SANBR: variants seen among roughly 807,000 people sequenced by gnomAD.
The protein encoded by SANBR is SANT and BTB domain regulator of CSR.
A neutral mutation model predicts 101.8 loss-of-function variants in SANBR; 77 were observed. The ratio of observed to expected loss-of-function variants is 0.76; its 90% CI spans 0.63 to 0.91. The LOEUF is 0.91. Ranked by LOEUF, SANBR falls within the 40% of genes least tolerant of loss-of-function variation. The probability of loss-of-function intolerance (pLI) is 0.00; values close to 1 mark genes in which losing one functional copy is unlikely to be tolerated. For synonymous variants in SANBR, 279 were observed against 274.7 expected, an observed-to-expected ratio of 1.02 and a Z score of -0.15; for missense variants, 875 against 853.0, an observed-to-expected ratio of 1.03 and a Z score of -0.32.
chr2:61,131,999 C>G (rs1275235848), intron 20 of SANBR, among the ~76,000 whole-genome samples: 1 of 152,192 alleles, frequency 6.6e-6, no homozygotes, highest in African/African-American at 2.4e-5. Flanking sequence ...ATCCTTACAT[C>G]ACACCATATG....
At chr2:61,111,370 G>C (rs1683823704) in intron 16 of SANBR, among the ~76,000 whole-genome samples, 1 of 152,210 alleles carries the variant, frequency 6.6e-6, no homozygotes, top group Non-Finnish European at 1.5e-5. Flanking sequence ...TCCAGCCTGT[G>C]CGACAGAGCG....
intron 10 of SANBR, 30 bp downstream of exon 10, chr2:61,088,498 T>C: frequency 7.6e-7 from 1 of 1,315,486 alleles, no homozygotes; most frequent in Non-Finnish European, 1.1e-6. Context: ...CATACATGTA[T>C]TTTTGTATAT....
In SANBR at chr2:61,086,309, G is replaced by C. The variant is rs139999429; in HGVS notation, c.891-1850G>C. Among the ~76,000 whole-genome samples, 474 of 151,848 alleles carry C rather than the reference G, an allele frequency of 3.1e-3. 1 individual carries two copies. The highest frequency in any genetic ancestry group is 0.011 in the African/African-American group (463 of 41,482). ...TCCCAAAGTTTTGGAATTAACAAGTGTGAGCCACCATACCCAACCTCTTTT... is the reference window on the plus strand; with the variant it reads ...TCCCAAAGTTTTGGAATTAACAAGTCTGAGCCACCATACCCAACCTCTTTT... On this transcript the variant is annotated intron_variant, in intron 8 of 21. Coordinates refer to ENST00000402291, the MANE Select transcript of SANBR (RefSeq NM_001129993.3).
chr2:61,091,894 A>G (rs1159041387), intron 10 of SANBR, among the ~76,000 whole-genome samples: 1 of 152,300 alleles, frequency 6.6e-6, no homozygotes, highest in African/African-American at 2.4e-5. Context: ...CCAAGACCTG[A>G]TTGTATATTC....
At chr2:61,087,572 C>T (rs1559095903) in intron 8 of SANBR, among the ~76,000 whole-genome samples, 1 of 151,954 alleles carries the variant, frequency 6.6e-6, no homozygotes, top group Admixed American at 6.6e-5. Flanking sequence ...TAAAATAAGG[C>T]CGGGTGCAGT....
intron 20 of SANBR, among the ~76,000 whole-genome samples, chr2:61,119,267 C>T (rs541733925): frequency 1.5e-4 from 23 of 152,284 alleles, no homozygotes; most frequent in Admixed American, 1.4e-3. Context: ...TAAAAATTTA[C>T]TTCCCTATAA....
chr2:61,116,257 G>A (rs1036489703), intron 17 of SANBR, among the ~76,000 whole-genome samples, 187 bp downstream of exon 17: 8 of 152,138 alleles, frequency 5.3e-5, no homozygotes, highest in South Asian at 2.1e-4. Context: ...GTGCAGAAAC[G>A]TATAGTGGTA....
At chr2:61,081,634 ATTG>A in intron 7 of SANBR, 124 bp downstream of exon 7, 1 of 1,089,334 alleles carries the variant, frequency 9.2e-7, no homozygotes, top group East Asian at 3.1e-5. Context: ...AATTTAAAAA[ATTG>A]TTAATTCAGG....
intron 1 of SANBR, among the ~76,000 whole-genome samples, chr2:61,068,112 A>G (rs1486546344): frequency 6.6e-6 from 1 of 152,226 alleles, no homozygotes; most frequent in African/African-American, 2.4e-5. Context: ...GGCCCAGCCC[A>G]TCAAAGAAAT....
Position 61,131,804 on chromosome 2 carries a change from A to G in SANBR, c.2029-2333A>G, listed in dbSNP as rs76589568. Among the ~76,000 whole-genome samples the G allele has an allele frequency of 5.0e-4, 76 of 152,376 alleles. 1 individual carries two copies. The East Asian group carries it at 0.013, about 26-fold the overall frequency. On this transcript the variant is annotated intron_variant, in intron 20 of 21. Transcript: ENST00000295031. ...TTTCCAATCTTACTACAAAGCTACA[A>G]TAGTCAAGACAGTGCAGTACTGGTA...
intron 8 of SANBR, among the ~76,000 whole-genome samples, chr2:61,084,133 T>C (rs1429145983): frequency 2.0e-5 from 3 of 152,070 alleles, no homozygotes; most frequent in Non-Finnish European, 4.4e-5. Context: ...TTTGTATTTT[T>C]TGTAGAGATG....
chr2:61,129,249 G>C (rs1370858269), downstream of SANBR, among the ~76,000 whole-genome samples: 7 of 152,008 alleles, frequency 4.6e-5, no homozygotes, highest in Admixed American at 3.9e-4. Context: ...TTTGAGACCA[G>C]CCTGGCCAAC....
At chr2:61,111,395 A>G (rs1683825817) in intron 16 of SANBR, among the ~76,000 whole-genome samples, 1 of 152,252 alleles carries the variant, frequency 6.6e-6, no homozygotes, top group Non-Finnish European at 1.5e-5. Flanking sequence ...TCCGTCTCAA[A>G]AAAAAGAAAA....
At chr2:61,069,988 C>T (rs1250606085) in intron 2 of SANBR, among the ~76,000 whole-genome samples, 1 of 152,172 alleles carries the variant, frequency 6.6e-6, no homozygotes, top group Non-Finnish European at 1.5e-5. Context: ...TGAATCCTTG[C>T]TCTGCCTCTT....
At chr2:61,117,668 A>C in intron 19 of SANBR, 128 bp downstream of exon 19, 3 of 778,386 alleles carry the variant, frequency 3.9e-6, no homozygotes, top group Non-Finnish European at 6.3e-6. Context: ...AAATTTGCAT[A>C]TTCCCTTAGG....
At chr2:61,132,662 G>A (rs557369735) in intron 20 of SANBR, among the ~76,000 whole-genome samples, 1 of 152,172 alleles carries the variant, frequency 6.6e-6, no homozygotes, top group African/African-American at 2.4e-5. Context: ...AGATATATAC[G>A]CAAAAGAATT....
chr2:61,070,217 C>A, intron 2 of SANBR, 125 bp from the exon 3 acceptor site: 1 of 596,824 alleles, frequency 1.7e-6, no homozygotes, highest in Non-Finnish European at 2.7e-6. Context: ...TATTTTAGGT[C>A]AGTTTTACTT....
rs754597387 is a variant in SANBR at position 61,106,656 on chromosome 2, C to T, written c.1605C>T (p.Leu535=). Residue 535 remains leucine (L), a synonymous_variant, in exon 14 of 22, where the codon CTC becomes CTT. Coordinates refer to ENST00000402291, the MANE Select transcript of SANBR (RefSeq NM_001129993.3). The part of the protein sequence containing the change: ...NTPWGPKTGE[L]NAFLSLKNWT... ...CATGGGGTCCCAAAACTGGGGAGCT[C>T]AATGCTGTGAGTAGTTTTTTTTCAC... 5 of 1,558,530 alleles carry T rather than the reference C, an allele frequency of 3.2e-6. No homozygotes were observed. The highest frequency in any genetic ancestry group is 4.3e-6 in the Non-Finnish European group (5 of 1,151,698).
intron 3 of SANBR, among the ~76,000 whole-genome samples, chr2:61,070,711 G>GTA (rs1375131663): frequency 6.9e-6 from 1 of 144,804 alleles, no homozygotes; most frequent in Non-Finnish European, 1.5e-5. Flanking sequence ...ATTATATATA[G>GTA]TATATATATT....
Sources: gnomAD v4.1 joint callset for allele counts (sites outside exome capture counted in the v4.1 genomes callset) on GRCh38, gnomAD v4.1.1 for gene constraint, MANE v1.5 for transcripts, NCBI Gene and HGNC (gene_info 2026-07-23, HGNC 2026-07-21) for gene names.